The following SLC41A3 variants were observed in gnomAD, a reference collection of about 807,000 sequenced individuals.
SLC41A3 encodes SLC41A1-like 2.
SLC41A3 carries 44 observed loss-of-function variants against 45.4 expected under a neutral mutation model. The observed-to-expected ratio is 0.97, with a 90% CI of 0.76 to 1.25. The LOEUF is 1.25. Ranked by LOEUF, SLC41A3 falls within the 50% of genes most tolerant of loss-of-function variation. SLC41A3 has a pLI of 0.00. For missense variants in SLC41A3, 550 were observed against 600.6 expected (o/e 0.92, Z 0.88); for synonymous variants, 256 against 252.4 (o/e 1.01, Z -0.13).
intron 2 of SLC41A3, among the ~76,000 whole-genome samples, chr3:126,053,102 T>A (rs911684498): frequency 3.9e-5 from 6 of 152,238 alleles, no homozygotes; most frequent in African/African-American, 1.4e-4. Flanking sequence ...CTATGGACAC[T>A]GGCTGAACTG....
Position 126,022,888 on chromosome 3 carries a change from C to A in SLC41A3, c.643G>T (p.Val215Phe), listed in dbSNP as rs778411572. 1.9e-6 allele frequency: 3 copies of A among 1,614,192 alleles called. No individual in the cohort carries two copies. The highest frequency in any genetic ancestry group is 2.5e-6 in the Non-Finnish European group (3 of 1,180,042). ...GGCGTGGCAATGTTGTCTGGGTTGA[C>A]CCCGAGCTTTCGAGCACCAATCACT... ...CIVIGARKLG[V>F]NPDNIATPIA... The change falls in exon 6 of 11, where the codon GTC becomes TTC. Residue 215 changes from valine (V) to phenylalanine (F), a missense_variant. Coordinates refer to ENST00000360370, the MANE Select transcript of SLC41A3 (RefSeq NM_017836.4).
chr3:126,057,092 G>C, intron 2 of SLC41A3: 1 of 989,146 alleles, frequency 1.0e-6, no homozygotes, highest in Non-Finnish European at 1.2e-6. Context: ...TCAGCACAGA[G>C]GGACTGCCTC....
chr3:126,076,198 A>C (rs186657163), intron 1 of SLC41A3, among the ~76,000 whole-genome samples: 18 of 152,366 alleles, frequency 1.2e-4, no homozygotes, highest in Admixed American at 7.8e-4. Context: ...AATGGCCAAT[A>C]AGCACATGAA....
chr3:126,078,575 C>T (rs965686867), intron 1 of SLC41A3, among the ~76,000 whole-genome samples: 2 of 152,222 alleles, frequency 1.3e-5, no homozygotes, highest in African/African-American at 4.8e-5. Context: ...GATCCCTAAT[C>T]TTTTCAAAAA....
chr3:126,026,514 C>A lies in SLC41A3; in HGVS notation c.454-35G>T. The stretch of plus-strand genomic sequence containing the variant: ...AGAAATCAGAAGCATGAAGGGGGGC[C>A]CCGGGGCCACAGCCACACTCCCTGC... On this transcript the variant is annotated intron_variant, in intron 4 of 10. Coordinates refer to ENST00000360370, the MANE Select transcript of SLC41A3 (RefSeq NM_017836.4). This position sits in a 1 kb window ranked among gnomAD's most constrained non-coding sequence, Gnocchi z 4.2. 6.3e-7 allele frequency: 1 copy of A among 1,589,230 alleles called. No individual in the cohort carries two copies. The highest frequency in any genetic ancestry group is 1.1e-5 in the South Asian group (1 of 87,356).
intron 1 of SLC41A3, among the ~76,000 whole-genome samples, chr3:126,072,367 A>T (rs7641017): frequency 4.3e-4 from 57 of 132,852 alleles, no homozygotes; most frequent in African/African-American, 1.1e-3. Context: ...AATTGTAAAA[A>T]AAAATAAAAA....
At chr3:126,012,823 C>T in intron 8 of SLC41A3, 74 bp from the exon 9 acceptor site, 1 of 1,581,366 alleles carries the variant, frequency 6.3e-7, no homozygotes, top group Non-Finnish European at 8.6e-7. Flanking sequence ...TTTTAAGTTC[C>T]CTTCCTCCAG....
At position 126,089,908 on chromosome 3, in the gene SLC41A3, G is replaced by A. The variant is rs1945457138; in HGVS notation, c.-79+11521C>T. On this transcript the variant is annotated intron_variant, in intron 1 of 9. Coordinates refer to the SLC41A3 transcript ENST00000508835. ...AATTCTAACTCTGGGAGGAGTTGCT[G>A]GATTCCACAGTGCCTGATAGACAGC... Among the ~76,000 whole-genome samples the A allele has an allele frequency of 2.0e-5, 3 of 152,104 alleles. No individual in the cohort carries two copies. The South Asian group carries it at 6.2e-4, about 32-fold the overall frequency.
intron 2 of SLC41A3, chr3:126,058,011 G>A (rs1217743072): frequency 6.6e-6 from 1 of 152,218 alleles, no homozygotes; most frequent in Non-Finnish European, 1.5e-5. Context: ...CCTATCTCTT[G>A]GGCTGCTCAT....
chr3:126,078,628 C>T (rs1365586223), intron 1 of SLC41A3, among the ~76,000 whole-genome samples: 2 of 152,172 alleles, frequency 1.3e-5, no homozygotes, highest in Non-Finnish European at 2.9e-5. Flanking sequence ...TATGCCTTTA[C>T]CTCCTTTAAT....
At chr3:126,084,031 C>G (rs17523380) in intron 1 of SLC41A3, 62 bp downstream of exon 1, 1 of 151,566 alleles carries the variant, frequency 6.6e-6, no homozygotes, top group Non-Finnish European at 1.5e-5. Context: ...CCCCGACCCC[C>G]CTTGGGCCCC....
At chr3:126,034,578 T>G (rs1382960419) in intron 3 of SLC41A3, among the ~76,000 whole-genome samples, 1 of 152,222 alleles carries the variant, frequency 6.6e-6, no homozygotes, top group African/African-American at 2.4e-5. Context: ...CTTGAGTAGA[T>G]ATGACACCCA....
intron 2 of SLC41A3, 45 bp downstream of exon 2, chr3:126,067,902 G>A: frequency 6.5e-7 from 1 of 1,531,574 alleles, no homozygotes; most frequent in South Asian, 1.3e-5. Flanking sequence ...TATAGGTGAT[G>A]TTCGGCAGTG....
intron 9 of SLC41A3, among the ~76,000 whole-genome samples, chr3:126,010,068 A>G (rs1182414806): frequency 1.3e-5 from 2 of 152,250 alleles, no homozygotes; most frequent in African/African-American, 4.8e-5. Context: ...GCAATGAACA[A>G]CATGGTCGTG....
chr3:126,051,721 C>T (rs931543563), intron 2 of SLC41A3, among the ~76,000 whole-genome samples: 7 of 152,156 alleles, frequency 4.6e-5, no homozygotes, highest in Non-Finnish European at 8.8e-5. Flanking sequence ...AGATGTTCCC[C>T]TAAATCAGTT....
rs574667283 is a variant in SLC41A3, at chr3:126,078,135, C to G, written c.-28+5958G>C. Among the ~76,000 whole-genome samples the G allele has an allele frequency of 2.0e-5, 3 of 152,286 alleles. No homozygotes were observed. The South Asian group carries it at 6.2e-4, about 32-fold the overall frequency. ...ACCAGGCCCCTCCAACTCTCCACCC[C>G]ACTCCCACAGGCAGGAATGGCCACT... is the stretch of plus-strand genomic sequence containing the variant. On this transcript the variant is annotated intron_variant, in intron 1 of 10. Transcript: ENST00000360370.
chr3:126,090,400 A>C (rs1459973688), intron 1 of SLC41A3, among the ~76,000 whole-genome samples: 2 of 152,240 alleles, frequency 1.3e-5, no homozygotes, highest in South Asian at 4.1e-4. Context: ...AAGGAGCTAA[A>C]AAATGGTTTT....
At chr3:126,065,335 C>T (rs1288539130) in intron 2 of SLC41A3, among the ~76,000 whole-genome samples, 3 of 152,260 alleles carry the variant, frequency 2.0e-5, no homozygotes, top group South Asian at 4.1e-4. Flanking sequence ...TGGAACACAG[C>T]GATATAAAAC....
rs63385862 is a variant in SLC41A3, at chr3:126,079,211, A to AACACACAC, written c.-28+4874_-28+4881dup. On this transcript the variant is annotated intron_variant, in intron 1 of 10. Coordinates refer to ENST00000360370, the MANE Select transcript of SLC41A3 (RefSeq NM_017836.4). ...GATTTAAACTCCTTAAGGTAAGGGA[A>AACACACAC]ACACACACACACACACACACACACA... is the stretch of plus-strand genomic sequence containing the variant. 8.3e-3 allele frequency among the ~76,000 whole-genome samples: 458 copies of AACACACAC among 54,968 alleles called. 5 individuals carry two copies. The highest frequency in any genetic ancestry group is 0.033 in the African/African-American group (419 of 12,780). The allele number at this position is 54,968 out of a possible 152,430, so 36.1% of individuals were successfully genotyped here.
Sources: allele counts gnomAD v4.1 joint callset (sites outside exome capture counted in the v4.1 genomes callset), GRCh38; gene constraint gnomAD v4.1.1; non-coding constraint Gnocchi (gnomAD v3.1); transcripts MANE v1.5; gene names NCBI Gene and HGNC (gene_info 2026-07-23, HGNC 2026-07-21).